Variants in PITPNM3 observed in about 807,000 individuals in gnomAD.
PITPNM3 encodes the protein membrane-associated phosphatidylinositol transfer protein 3.
In PITPNM3, 26 loss-of-function variants were observed where a neutral mutation model predicts 102.0. The ratio of observed to expected loss-of-function variants is 0.25; its 90% CI spans 0.19 to 0.35. PITPNM3 has a LOEUF of 0.35. Ranked by LOEUF, PITPNM3 falls within the 10% of genes least tolerant of loss-of-function variation. The pLI, the probability that PITPNM3 is intolerant of heterozygous loss-of-function variation, is 1.00. For missense variants in PITPNM3, 1,083 were observed against 1,346.1 expected, an observed-to-expected ratio of 0.80 and a Z score of 3.06; for synonymous variants, 578 against 558.6, an observed-to-expected ratio of 1.03 and a Z score of -0.49.
rs55839764 is a variant in PITPNM3, at chr17:6,505,195, A to AATATATATATAT, written c.227-1633_227-1622dup. On this transcript the variant is annotated intron_variant, in intron 3 of 19. Coordinates refer to ENST00000262483, the MANE Select transcript of PITPNM3 (RefSeq NM_031220.4). ...CGTCTCCAAAAAAGAAGACAAATAA[A>AATATATATATAT]ATATATATATATATATATATGTAAA... Among the ~76,000 whole-genome samples the AATATATATATAT allele has an allele frequency of 3.7e-3, 509 of 136,276 alleles. 15 individuals carry two copies. The highest frequency in any genetic ancestry group is 0.014 in the East Asian group (65 of 4,784). The allele number at this position is 136,276 out of a possible 152,430, so 89.4% of individuals were successfully genotyped here. A position where few individuals can be genotyped will look rare whatever the true frequency, so the allele number is the denominator to read the frequency against.
rs973846006 is a variant in PITPNM3, at chr17:6,458,415, C to G, written c.2491-693G>C. Among the ~76,000 whole-genome samples, 2 of 152,194 alleles carry G rather than the reference C, an allele frequency of 1.3e-5. No homozygotes were observed. The highest frequency in any genetic ancestry group is 2.9e-5 in the Non-Finnish European group (2 of 68,036). ...CATTGGAGACTTTGGTCCTGGGTCA[C>G]AAGCTTTCCTTCCTGCCAAGCCCCA... On this transcript the variant is annotated intron_variant, in intron 18 of 19. Transcript: ENST00000262483. The surrounding 1 kb of genome is among the most constrained non-coding windows in gnomAD (Gnocchi z 5.1).
In PITPNM3 at chr17:6,471,774, G is replaced by C. The variant is rs376325646; in HGVS notation, c.1430-419C>G. On this transcript the variant is annotated intron_variant, in intron 11 of 19. Transcript: ENST00000262483. ...AAAGAATTGAGGCTGCCTCTGGAAG[G>C]GAATGGGGACTCCAGCCTGAGAGCT... 1.2e-4 allele frequency among the ~76,000 whole-genome samples: 19 copies of C among 152,242 alleles called. No individual in the cohort carries two copies. In the East Asian group the frequency reaches 3.3e-3, roughly 26 times the overall value.
intron 1 of PITPNM3, among the ~76,000 whole-genome samples, chr17:6,555,642 C>T (rs1910561171): frequency 1.3e-5 from 2 of 152,200 alleles, no homozygotes; most frequent in Admixed American, 6.5e-5. Context: ...GGGCTGAGTC[C>T]GCCTGAGCCC....
chr17:6,529,592 CAA>C (rs67428345), intron 2 of PITPNM3, among the ~76,000 whole-genome samples: 135 of 142,068 alleles, frequency 9.5e-4, no homozygotes, highest in Middle Eastern at 3.6e-3. Flanking sequence ...GACTCCATCT[CAA>C]AAAAAAAAAA....
intron 4 of PITPNM3, among the ~76,000 whole-genome samples, chr17:6,494,906 T>C (rs990232168): frequency 6.6e-6 from 1 of 151,948 alleles, no homozygotes; most frequent in African/African-American, 2.4e-5. Context: ...ATTAAATAAA[T>C]TGGACCACAG....
chr17:6,552,992 G>C (rs954794362), intron 1 of PITPNM3, among the ~76,000 whole-genome samples: 56 of 151,174 alleles, frequency 3.7e-4, no homozygotes, highest in Non-Finnish European at 6.8e-4. Context: ...GGATGGTCTC[G>C]ATCTCCTGAC....
At chr17:6,471,845 A>G (rs1426475350) in intron 11 of PITPNM3, among the ~76,000 whole-genome samples, 1 of 152,096 alleles carries the variant, frequency 6.6e-6, no homozygotes, top group Non-Finnish European at 1.5e-5. Context: ...CCAAAGAGGG[A>G]TCCATGGGGG....
chr17:6,473,021 A>G (rs1905136955), intron 10 of PITPNM3, among the ~76,000 whole-genome samples, 194 bp from the exon 11 acceptor site: 1 of 152,204 alleles, frequency 6.6e-6, no homozygotes, highest in Admixed American at 6.5e-5. Flanking sequence ...ACAGGCACCC[A>G]GCACTGCAGC....
rs1410888348 is a variant in PITPNM3, at chr17:6,517,108, G to T, written c.226+8248C>A. Among the ~76,000 whole-genome samples, 1 of 152,188 alleles carries T rather than the reference G, an allele frequency of 6.6e-6. No individual in the cohort carries two copies. Among genetic ancestry groups the T allele is most frequent in the Non-Finnish European group, 1.5e-5 (1 of 68,026 alleles). ...ACATGTTTAGCAATGCAAGGACCTA[G>T]AAAATTGCTATCCACAGTTCCTACC... On this transcript the variant is annotated intron_variant, in intron 3 of 19. Transcript: ENST00000262483. The surrounding 1 kb of genome is among the most constrained non-coding windows in gnomAD (Gnocchi z 4.1).
intron 2 of PITPNM3, among the ~76,000 whole-genome samples, chr17:6,532,080 T>C (rs1322859438): frequency 1.3e-5 from 2 of 150,906 alleles, no homozygotes; most frequent in African/African-American, 2.4e-5. Flanking sequence ...CAGTCCAGCC[T>C]GGGTGACAAG....
At chr17:6,525,611 G>C (rs537070153) in intron 2 of PITPNM3, 148 bp from the exon 3 acceptor site, 1 of 712,738 alleles carries the variant, frequency 1.4e-6, no homozygotes, top group South Asian at 1.5e-5. Flanking sequence ...TCTGTAGCTA[G>C]ACAGTTACAA....
At position 6,478,193 on chromosome 17, in the gene PITPNM3, A is replaced by C. The variant is rs1445655268; in HGVS notation, c.778-96T>G. On this transcript the variant is annotated intron_variant, in intron 7 of 19. Coordinates refer to ENST00000262483, the MANE Select transcript of PITPNM3 (RefSeq NM_031220.4). This position sits in a 1 kb window ranked among gnomAD's most constrained non-coding sequence, Gnocchi z 4.4. ...AGTGCTGCCTCCCCACAGGAGAATGAGAAACTCGTCCTTGGGAGGTGTTGA... is the reference window on the plus strand; with the variant it reads ...AGTGCTGCCTCCCCACAGGAGAATGCGAAACTCGTCCTTGGGAGGTGTTGA... 2 of 1,579,200 alleles carry C rather than the reference A, an allele frequency of 1.3e-6. No individual in the cohort carries two copies. The highest frequency in any genetic ancestry group is 1.7e-6 in the Non-Finnish European group (2 of 1,164,012).
At chr17:6,456,360 T>C (rs1431856375) in intron 19 of PITPNM3, among the ~76,000 whole-genome samples, 1 of 152,136 alleles carries the variant, frequency 6.6e-6, no homozygotes, top group Non-Finnish European at 1.5e-5. Flanking sequence ...GTCACTTGGC[T>C]CACTAGAATC....
At chr17:6,527,997 C>A (rs1454650281) in intron 2 of PITPNM3, among the ~76,000 whole-genome samples, 2 of 152,232 alleles carry the variant, frequency 1.3e-5, no homozygotes, top group South Asian at 2.1e-4. Context: ...TATAACCCTG[C>A]TCCATCTTTG....
At chr17:6,506,662 G>T (rs1966095) in intron 3 of PITPNM3, among the ~76,000 whole-genome samples, 37,575 of 152,108 alleles carry the variant, frequency 0.25, 4,794 homozygotes, top group Non-Finnish European at 0.28. Context: ...GAGCCACCGC[G>T]CCCGGCCAGT....
At chr17:6,531,449 T>C (rs1380859715) in intron 2 of PITPNM3, among the ~76,000 whole-genome samples, 1 of 152,240 alleles carries the variant, frequency 6.6e-6, no homozygotes, top group Non-Finnish European at 1.5e-5. Flanking sequence ...CCATCCTCCT[T>C]GGTCCACTAA....
In PITPNM3 at chr17:6,464,240, G is replaced by A. The variant is rs1567660995; in HGVS notation, c.2086C>T (p.Arg696Cys). Residue 696 changes from arginine to cysteine, a missense_variant, in exon 16 of 20, where the codon CGC becomes TGC. Physicochemically the swap from Arg to Cys is radical, Grantham distance 180. Transcript: ENST00000262483. ...GGCCGCGGCACATTGTATGTGATGCGACCACTGCTGTTGGTGATCTCTGTG... is the reference window on the plus strand; with the variant it reads ...GGCCGCGGCACATTGTATGTGATGCAACCACTGCTGTTGGTGATCTCTGTG... Reference protein sequence around the residue: ...LDTEITNSSGRITYNVPRPRR... With the variant: ...LDTEITNSSGCITYNVPRPRR... 2.5e-6 allele frequency: 4 copies of A among 1,614,152 alleles called. No homozygotes were observed. The highest frequency in any genetic ancestry group is 3.4e-6 in the Non-Finnish European group (4 of 1,180,020).
At chr17:6,486,669 T>G (rs16955888) in intron 4 of PITPNM3, among the ~76,000 whole-genome samples, 21,292 of 152,196 alleles carry the variant, frequency 0.14, 2,192 homozygotes, top group East Asian at 0.31. Context: ...GTTCTTCCCA[T>G]TGGCTAGGCT....
chr17:6,482,610 C>T (rs1353663906), intron 6 of PITPNM3, among the ~76,000 whole-genome samples: 1 of 152,156 alleles, frequency 6.6e-6, no homozygotes, highest in African/African-American at 2.4e-5. Context: ...CAAACTGGGG[C>T]ATGGTATCGG....
Sources: allele counts gnomAD v4.1 joint callset (sites outside exome capture counted in the v4.1 genomes callset), GRCh38; gene constraint gnomAD v4.1.1; non-coding constraint Gnocchi (gnomAD v3.1); transcripts MANE v1.5; gene names NCBI Gene and HGNC (gene_info 2026-07-23, HGNC 2026-07-21).